The following CCNY variants were observed in gnomAD, a reference collection of about 807,000 sequenced individuals.
CCNY encodes cyclin-Y.
A neutral mutation model predicts 42.8 loss-of-function variants in CCNY; 19 were observed. The observed-to-expected ratio is 0.44, with a 90% CI of 0.31 to 0.65. The LOEUF (loss-of-function observed/expected upper bound fraction) is 0.65. Ranked by LOEUF, CCNY falls within the 30% of genes least tolerant of loss-of-function variation. CCNY has a pLI of 0.07. For missense variants in CCNY, 370 were observed against 437.3 expected (o/e 0.85, Z 1.37); for synonymous variants, 165 against 162.7 (o/e 1.01, Z -0.11).
intron 1 of CCNY, among the ~76,000 whole-genome samples, chr10:35,465,234 C>T (rs965932713): frequency 8.5e-5 from 13 of 152,050 alleles, no homozygotes; most frequent in South Asian, 2.1e-4. Flanking sequence ...GAGTACTGTT[C>T]GTGTCCTAAT....
intron 3 of CCNY, among the ~76,000 whole-genome samples, chr10:35,276,302 T>C (rs1835238268): frequency 6.6e-6 from 1 of 152,254 alleles, no homozygotes; most frequent in Non-Finnish European, 1.5e-5. Flanking sequence ...GCCTTGATTC[T>C]AATGGCTGCT....
chr10:35,287,048 T>A (rs1357581135), intron 3 of CCNY, among the ~76,000 whole-genome samples: 1 of 152,196 alleles, frequency 6.6e-6, no homozygotes, highest in Non-Finnish European at 1.5e-5. Flanking sequence ...AAGTGAGCAG[T>A]GTTTTCTTTT....
chr10:35,257,967 C>T (rs1443763765), intron 3 of CCNY, among the ~76,000 whole-genome samples: 3 of 152,126 alleles, frequency 2.0e-5, no homozygotes, highest in Non-Finnish European at 4.4e-5. Context: ...ATAATTTCCA[C>T]TGTCTTTTCT....
chr10:35,494,731 A>G (rs1229923602), intron 2 of CCNY, among the ~76,000 whole-genome samples: 1 of 152,254 alleles, frequency 6.6e-6, no homozygotes, highest in Non-Finnish European at 1.5e-5. Flanking sequence ...CAATAGAAAA[A>G]TGGGCATATT....
At chr10:35,416,316 G>C (rs901840610) in intron 1 of CCNY, among the ~76,000 whole-genome samples, 1 of 152,062 alleles carries the variant, frequency 6.6e-6, no homozygotes, top group Admixed American at 6.6e-5. Flanking sequence ...TTAAAGTGGA[G>C]GGCCATTAAT....
chr10:35,260,147 C>T lies in CCNY; in HGVS notation c.-9+9521C>T, dbSNP rs895204431. ...CTCTCTTTTCTCTCTTTTCTCCTCT[C>T]CCCCATGCCTCTTGTGGTATCATGC... is the stretch of plus-strand genomic sequence containing the variant. On this transcript the variant is annotated intron_variant, in intron 3 of 11. Transcript: ENST00000374706. 8.5e-5 allele frequency among the ~76,000 whole-genome samples: 13 copies of T among 152,132 alleles called. No individual in the cohort carries two copies. In the South Asian group the frequency reaches 2.7e-3, roughly 32 times the overall value.
At chr10:35,503,424 T>C (rs1190056324) in intron 3 of CCNY, among the ~76,000 whole-genome samples, 2 of 152,208 alleles carry the variant, frequency 1.3e-5, no homozygotes, top group East Asian at 3.8e-4. Context: ...CAGACCTCGC[T>C]GCAAATGAGC....
chr10:35,440,809 A>G (rs1429116782), intron 1 of CCNY, among the ~76,000 whole-genome samples: 1 of 152,246 alleles, frequency 6.6e-6, no homozygotes, highest in Non-Finnish European at 1.5e-5. Context: ...GAGAAGCATT[A>G]CATACATTTG....
intron 3 of CCNY, among the ~76,000 whole-genome samples, chr10:35,258,466 A>G (rs2095717108): frequency 6.6e-6 from 1 of 152,192 alleles, no homozygotes; most frequent in Admixed American, 6.6e-5. Flanking sequence ...CTGGCCCTTC[A>G]TTTCCAGAGG....
chr10:35,373,800 G>A (rs1387349891), intron 1 of CCNY, among the ~76,000 whole-genome samples: 1 of 150,314 alleles, frequency 6.7e-6, no homozygotes, highest in Non-Finnish European at 1.5e-5. Context: ...ATAGGTAAGG[G>A]TTGCAGTCAA....
At chr10:35,394,320 C>T (rs1005640811) in intron 1 of CCNY, among the ~76,000 whole-genome samples, 1 of 152,224 alleles carries the variant, frequency 6.6e-6, no homozygotes, top group Non-Finnish European at 1.5e-5. Flanking sequence ...GGTGAAAATG[C>T]TGAAATACAA....
At chr10:35,260,292 T>C (rs1489434971) in intron 3 of CCNY, among the ~76,000 whole-genome samples, 1 of 152,150 alleles carries the variant, frequency 6.6e-6, no homozygotes, top group Non-Finnish European at 1.5e-5. Context: ...GGGACTTACA[T>C]TTGGGTTAAA....
intron 4 of CCNY, among the ~76,000 whole-genome samples, chr10:35,519,400 G>A (rs1402077590): frequency 6.6e-6 from 1 of 152,126 alleles, no homozygotes; most frequent in Admixed American, 6.5e-5. Context: ...GATCTTGATT[G>A]AATCTGGCTG....
intron 2 of CCNY, among the ~76,000 whole-genome samples, chr10:35,488,097 C>A (rs1839822900): frequency 6.6e-6 from 1 of 152,056 alleles, no homozygotes; most frequent in Admixed American, 6.5e-5. Context: ...AGGAAAAAAC[C>A]CTAAGTTTGC....
At chr10:35,451,409 C>A (rs544743978) in intron 1 of CCNY, among the ~76,000 whole-genome samples, 1 of 152,252 alleles carries the variant, frequency 6.6e-6, no homozygotes, top group Non-Finnish European at 1.5e-5. Context: ...TGCCTCTGAC[C>A]AGAATGGGTG....
intron 8 of CCNY, among the ~76,000 whole-genome samples, chr10:35,558,380 C>G (rs934471791): frequency 6.6e-6 from 1 of 152,206 alleles, no homozygotes; most frequent in African/African-American, 2.4e-5. Context: ...AGTTACAGAT[C>G]TAGAAATCTC....
At chr10:35,384,520 C>G (rs1320723276) in intron 1 of CCNY, among the ~76,000 whole-genome samples, 1 of 152,244 alleles carries the variant, frequency 6.6e-6, no homozygotes, top group Non-Finnish European at 1.5e-5. Flanking sequence ...TCTTGCATGA[C>G]TTAGCTTTCA....
chr10:35,292,387 G>A (rs1419036867), intron 3 of CCNY, among the ~76,000 whole-genome samples: 1 of 152,184 alleles, frequency 6.6e-6, no homozygotes, highest in African/African-American at 2.4e-5. Flanking sequence ...TTTGAAGACA[G>A]AGTTTCACTC....
intron 1 of CCNY, among the ~76,000 whole-genome samples, chr10:35,477,396 C>T (rs1402050662): frequency 6.7e-6 from 1 of 150,260 alleles, no homozygotes; most frequent in African/African-American, 2.4e-5. Flanking sequence ...CAATAAAATA[C>T]TGGCAAACTG....
Sources: allele counts gnomAD v4.1 joint callset (sites outside exome capture counted in the v4.1 genomes callset), GRCh38; gene constraint gnomAD v4.1.1; transcripts MANE v1.5; gene names NCBI Gene and HGNC (gene_info 2026-07-23, HGNC 2026-07-21).